The following FBXO9 variants were observed in gnomAD, a reference collection of about 807,000 sequenced individuals.
FBXO9 encodes F-box only protein 9.
FBXO9 carries 43 observed loss-of-function variants against 63.7 expected under a neutral mutation model. The ratio of observed to expected loss-of-function variants is 0.67; its 90% CI spans 0.53 to 0.87. The LOEUF (loss-of-function observed/expected upper bound fraction) is 0.87. Among genes scored for constraint, FBXO9 ranks in the 40% least tolerant of loss-of-function variants. The pLI is 0.00. For missense variants in FBXO9, 442 were observed against 533.2 expected (o/e 0.83, Z 1.68); for synonymous variants, 156 against 171.7 (o/e 0.91, Z 0.72).
chr6:53,094,991 T>G, intron 11 of FBXO9: 1 of 184,474 alleles, frequency 5.4e-6, no homozygotes, highest in African/African-American at 2.4e-5. Flanking sequence ...GCAGCAGTAT[T>G]TGCAGAAGTG....
chr6:53,082,823 A>G (rs1483561656), intron 7 of FBXO9, among the ~76,000 whole-genome samples: 1 of 152,236 alleles, frequency 6.6e-6, no homozygotes, highest in Non-Finnish European at 1.5e-5. Flanking sequence ...GTATAGAATA[A>G]TATGTAGGAC....
chr6:53,068,958 A>G (rs1421439301), intron 1 of FBXO9, among the ~76,000 whole-genome samples: 1 of 152,098 alleles, frequency 6.6e-6, no homozygotes, highest in Non-Finnish European at 1.5e-5. Context: ...CCTGGACTGT[A>G]TTCTCTTAAG....
At chr6:53,096,881 C>T (rs980082773) in intron 12 of FBXO9, among the ~76,000 whole-genome samples, 6 of 151,996 alleles carry the variant, frequency 3.9e-5, no homozygotes, top group Admixed American at 2.6e-4. Context: ...ACTCCAGCCT[C>T]GGTGATAGAG....
rs989385180 is a variant in FBXO9 at position 53,100,243 on chromosome 6, C to T, written c.*2413C>T. On this transcript the variant is annotated 3_prime_UTR_variant, in exon 13 of 13. Coordinates refer to ENST00000323557, the MANE Select transcript of FBXO9 (RefSeq NM_033480.3). Reference sequence around the variant, plus strand: ...TGCTATGTAACCTTTTTCTTCTGGTCTTTGCAAATCCTGCCGTAGAAACTT... The same window carrying T: ...TGCTATGTAACCTTTTTCTTCTGGTTTTTGCAAATCCTGCCGTAGAAACTT... 1 of 149,568 alleles carries T rather than the reference C, an allele frequency of 6.7e-6. No homozygotes were observed. Among genetic ancestry groups the T allele is most frequent in the African/African-American group, 2.6e-5 (1 of 39,010 alleles). 9.3% of individuals were successfully genotyped at this position (149,568 alleles called of 1,614,324 possible). A position where few individuals can be genotyped will look rare whatever the true frequency, so the allele number is the denominator to read the frequency against.
intron 5 of FBXO9, among the ~76,000 whole-genome samples, chr6:53,079,906 C>G (rs981449985): frequency 7.9e-5 from 12 of 152,042 alleles, no homozygotes; most frequent in African/African-American, 2.9e-4. Flanking sequence ...AAATTTTCAG[C>G]TAATAATATT....
intron 9 of FBXO9, chr6:53,093,159 CTTTG>C (rs1454926075): frequency 9.0e-5 from 35 of 388,224 alleles, no homozygotes; most frequent in Non-Finnish European, 1.4e-4. Context: ...GTGGCTCTCA[CTTTG>C]TTTGAAATTG....
At chr6:53,086,074 G>A (rs756665222) in intron 7 of FBXO9, among the ~76,000 whole-genome samples, 3 of 152,178 alleles carry the variant, frequency 2.0e-5, no homozygotes, top group Non-Finnish European at 2.9e-5. Context: ...GCTTGAACCC[G>A]GTAGGCGGAG....
intron 7 of FBXO9, chr6:53,092,000 A>T (rs1763053281): frequency 5.8e-6 from 1 of 172,606 alleles, no homozygotes; most frequent in African/African-American, 2.4e-5. Flanking sequence ...CCTCTGCACA[A>T]TGCCCACTTT....
intron 7 of FBXO9, among the ~76,000 whole-genome samples, chr6:53,090,171 C>G (rs1763004537): frequency 6.6e-6 from 1 of 152,110 alleles, no homozygotes; most frequent in Admixed American, 6.6e-5. Context: ...GGCAGATGTC[C>G]TTGTAGAAGT....
chr6:53,093,702 A>G (rs570944864), intron 10 of FBXO9, 141 bp downstream of exon 10: 7 of 861,774 alleles, frequency 8.1e-6, no homozygotes, highest in African/African-American at 3.4e-5. Context: ...AAAAATACCA[A>G]TTTCTGGGCT....
At chr6:53,071,456 G>A (rs889632085) in intron 2 of FBXO9, among the ~76,000 whole-genome samples, 1 of 152,086 alleles carries the variant, frequency 6.6e-6, no homozygotes, top group Non-Finnish European at 1.5e-5. Context: ...TATAAGAAAA[G>A]GCATCATAAA....
At chr6:53,076,361 A>C (rs1243475537) in intron 3 of FBXO9, 125 bp from the exon 4 acceptor site, 1 of 637,192 alleles carries the variant, frequency 1.6e-6, no homozygotes, top group African/African-American at 1.9e-5. Context: ...GTTTAGGTCA[A>C]GGTTCATTAA....
intron 4 of FBXO9, among the ~76,000 whole-genome samples, chr6:53,076,923 G>T (rs1769132819): frequency 6.6e-6 from 1 of 151,866 alleles, no homozygotes; most frequent in African/African-American, 2.4e-5. Context: ...AATAGAAATT[G>T]TTTTTCTATA....
intron 9 of FBXO9, chr6:53,093,237 C>G (rs1185413711): frequency 1.1e-5 from 5 of 438,396 alleles, no homozygotes; most frequent in African/African-American, 4.1e-5. Flanking sequence ...GTGAGTAAAA[C>G]TTAAAAGTTC....
chr6:53,082,305 T>C (rs1474872336), intron 6 of FBXO9, among the ~76,000 whole-genome samples, 199 bp from the exon 7 acceptor site: 1 of 152,200 alleles, frequency 6.6e-6, no homozygotes, highest in East Asian at 1.9e-4. Context: ...AGATCTATAC[T>C]GAAAAAACAA....
chr6:53,076,474 A>T lies in FBXO9; in HGVS notation c.250-12A>T. 1 of 1,520,668 alleles carries T rather than the reference A, an allele frequency of 6.6e-7. No homozygotes were observed. Among genetic ancestry groups the T allele is most frequent in the Non-Finnish European group, 8.8e-7 (1 of 1,140,474 alleles). The allele number at this position is 1,520,668 out of a possible 1,614,324, so 94.2% of individuals were successfully genotyped here. ...GCAGGTTTTCAAAAATTTTTACTTT[A>T]TATTTTTATAGGCTCGAGAACTCTT... On this transcript the variant is annotated splice_polypyrimidine_tract_variant and intron_variant, in intron 3 of 12. Transcript: ENST00000323557.
chr6:53,088,926 G>T (rs954567167), intron 7 of FBXO9, among the ~76,000 whole-genome samples: 18 of 129,156 alleles, frequency 1.4e-4, no homozygotes, highest in African/African-American at 4.6e-4. Context: ...TTCTTTCTTT[G>T]TTTTTTTTTT....
chr6:53,078,854 T>G lies in FBXO9; in HGVS notation c.363T>G (p.Ile121Met). ...MQLVPDIEFK[I>M]TYTRSPDGDG... ...TTGTACCTGATATAGAGTTCAAGATTACTTATACCCGGTCTCCAGATGGTG... is the reference window on the plus strand; with the variant it reads ...TTGTACCTGATATAGAGTTCAAGATGACTTATACCCGGTCTCCAGATGGTG... Residue 121 changes from isoleucine to methionine, a missense_variant, in exon 5 of 13, where the codon ATT becomes ATG. Ile to Met is a conservative substitution (Grantham distance 10). Around this residue, in one of 2 missense-constraint regions of FBXO9, gnomAD observed 180 missense variants for 171.1 expected, o/e 1.05. Coordinates refer to ENST00000323557, the MANE Select transcript of FBXO9 (RefSeq NM_033480.3). 1 of 1,613,946 alleles carries G rather than the reference T, an allele frequency of 6.2e-7. No homozygotes were observed. Among genetic ancestry groups the G allele is most frequent in the Non-Finnish European group, 8.5e-7 (1 of 1,179,822 alleles).
rs1383244988 is a variant in FBXO9 at position 53,078,900 on chromosome 6, T to C, written c.407+2T>C. On this transcript the variant is annotated splice_donor_variant, in intron 5 of 12. Transcript: ENST00000323557. LOFTEE classifies it high-confidence loss of function. ...TGGTGATGGCGTTGGAAACAGCTAG[T>C]GCGTATATAATTTGATAGATAGTAA... 1.9e-6 allele frequency: 3 copies of C among 1,608,480 alleles called. No homozygotes were observed. Among genetic ancestry groups the C allele is most frequent in the Non-Finnish European group, 2.6e-6 (3 of 1,174,906 alleles).
Sources: gnomAD v4.1 joint callset for allele counts (sites outside exome capture counted in the v4.1 genomes callset) on GRCh38, gnomAD v4.1.1 for gene constraint, gnomAD v4.1.1 regional missense constraint, MANE v1.5 for transcripts, NCBI Gene and HGNC (gene_info 2026-07-23, HGNC 2026-07-21) for gene names.